FCN1: variants seen among roughly 807,000 people sequenced by gnomAD.
FCN1 encodes the protein ficolin-1.
FCN1 carries 42 observed loss-of-function variants against 35.6 expected under a neutral mutation model. That is an observed-to-expected ratio of 1.18 (90% CI 0.92 to 1.53). The LOEUF (loss-of-function observed/expected upper bound fraction) is 1.53, where lower values mean the gene tolerates loss of function less well. Ranked by LOEUF, FCN1 falls within the 40% of genes most tolerant of loss-of-function variation. FCN1 has a pLI of 0.00. For synonymous variants in FCN1, 179 were observed against 169.8 expected, an observed-to-expected ratio of 1.05 and a Z score of -0.42; for missense variants, 439 against 428.4, an observed-to-expected ratio of 1.02 and a Z score of -0.22.
Position 134,911,153 on chromosome 9 carries a change from G to T in FCN1, c.713C>A (p.Ala238Asp). 1 of 1,614,082 alleles carries T rather than the reference G, an allele frequency of 6.2e-7. No homozygotes were observed. The change falls in exon 8 of 9, where the codon GCC (alanine) becomes GAC (aspartate). Residue 238 changes from alanine (A) to aspartate (D), a missense_variant. Physicochemically the swap from Ala to Asp is moderately radical, Grantham distance 126. Coordinates refer to ENST00000371806, the MANE Select transcript of FCN1 (RefSeq NM_002003.5). Reference sequence around the variant, plus strand: ...CTCACCCGCACTGCCCCCGACAAAGGCTCCCAGTACCAGCTTGTACTTCTC... The same window carrying T: ...CTCACCCGCACTGCCCCCGACAAAGTCTCCCAGTACCAGCTTGTACTTCTC... Reference protein sequence around the residue: ...EAEKYKLVLGAFVGGSAGNSL... With the variant: ...EAEKYKLVLGDFVGGSAGNSL...
At chr9:134,915,353 C>G (rs576861745) in intron 2 of FCN1, among the ~76,000 whole-genome samples, 69 of 152,246 alleles carry the variant, frequency 4.5e-4, no homozygotes, top group African/African-American at 1.6e-3. Flanking sequence ...CAAGAGGCAG[C>G]CCCCAGCCCG....
chr9:134,906,708 T>C lies in FCN1; in HGVS notation c.*3090A>G, dbSNP rs922872527. The stretch of plus-strand genomic sequence containing the variant: ...TATATTGGATTTGTGAGATTCTTCA[T>C]AATAGGCCAAATTATTTAAACATTA... On this transcript the variant is annotated 3_prime_UTR_variant, in exon 9 of 9. Transcript: ENST00000371806. 1.3e-5 allele frequency: 2 copies of C among 152,206 alleles called. No individual in the cohort carries two copies. Among genetic ancestry groups the C allele is most frequent in the Non-Finnish European group, 2.9e-5 (2 of 68,038 alleles). The allele number at this position is 152,206 out of a possible 1,614,324, so 9.4% of individuals were successfully genotyped here. A position where few individuals can be genotyped will look rare whatever the true frequency, so the allele number is the denominator to read the frequency against.
chr9:134,910,770 C>T (rs1460434255), intron 8 of FCN1, among the ~76,000 whole-genome samples: 3 of 152,168 alleles, frequency 2.0e-5, no homozygotes, highest in Non-Finnish European at 4.4e-5. Flanking sequence ...ATCGTGTAGC[C>T]AGAGACTCCT....
chr9:134,910,203 G>C (rs1831005917), intron 8 of FCN1, among the ~76,000 whole-genome samples, 158 bp from the exon 9 acceptor site: 1 of 152,128 alleles, frequency 6.6e-6, no homozygotes, highest in Non-Finnish European at 1.5e-5. Flanking sequence ...TTGGAGGAAG[G>C]GGAAGCAGGA....
chr9:134,914,374 G>A lies in FCN1; in HGVS notation c.307+11C>T, dbSNP rs200830357. ...TGCAGAGACAACTGCCTGGGCCCAC[G>A]GGTGGCTCACCTTTCTCTCCACGCA... On this transcript the variant is annotated intron_variant, in intron 4 of 8. Coordinates refer to ENST00000371806, the MANE Select transcript of FCN1 (RefSeq NM_002003.5). 312 of 1,613,530 alleles carry A rather than the reference G, an allele frequency of 1.9e-4. No individual in the cohort carries two copies. The highest frequency in any genetic ancestry group is 1.5e-3 in the African/African-American group (111 of 75,038).
In FCN1 at chr9:134,903,795, T is replaced by C. The variant is rs963777761; in HGVS notation, c.*6003A>G. On this transcript the variant is annotated 3_prime_UTR_variant, in exon 9 of 9. Transcript: ENST00000371806. Reference sequence around the variant, plus strand: ...GTGTGTTGAAGAAAATGGAAGATGGTGAAAAAAATAGGTGAAAAAGTGGAG... The same window carrying C: ...GTGTGTTGAAGAAAATGGAAGATGGCGAAAAAAATAGGTGAAAAAGTGGAG... Among the ~76,000 whole-genome samples, 2 of 152,070 alleles carry C rather than the reference T, an allele frequency of 1.3e-5. No individual in the cohort carries two copies. Among genetic ancestry groups the C allele is most frequent in the East Asian group, 3.9e-4 (2 of 5,194 alleles).
Position 134,917,850 on chromosome 9 carries a change from T to C in FCN1, c.22A>G (p.Met8Val). The C allele has an allele frequency of 1.2e-6, 2 of 1,613,658 alleles. No individual in the cohort carries two copies. The highest frequency in any genetic ancestry group is 1.7e-6 in the Non-Finnish European group (2 of 1,179,648). ...AGCAGGACAGCGAGCCCCCGGGCCA[T>C]GGTGGCTCCACTCAGCTCCATGCTC... is the stretch of plus-strand genomic sequence containing the variant. MELSGAT[M>V]ARGLAVLLVL... The change falls in exon 1 of 9, where the codon ATG becomes GTG. Residue 8 changes from methionine to valine, a missense_variant. Physicochemically the swap from Met to Val is conservative, Grantham distance 21. Coordinates refer to ENST00000371806, the MANE Select transcript of FCN1 (RefSeq NM_002003.5).
Position 134,905,684 on chromosome 9 carries a change from T to C in FCN1, c.*4114A>G, listed in dbSNP as rs1040031541. On this transcript the variant is annotated 3_prime_UTR_variant, in exon 9 of 9. Coordinates refer to ENST00000371806, the MANE Select transcript of FCN1 (RefSeq NM_002003.5). ...TATTTTTAGTAGAGACGGGGTTTCA[T>C]CATGTTAGCCAGGATGGTCTTGATC... Among the ~76,000 whole-genome samples, 150 of 151,396 alleles carry C rather than the reference T, an allele frequency of 9.9e-4. 2 individuals are homozygous for C. Among genetic ancestry groups the C allele is most frequent in the South Asian group, 8.4e-4 (4 of 4,784 alleles).
rs1831020081 is a variant in FCN1, at chr9:134,911,286, A to G, written c.599-19T>C. 1 of 1,612,904 alleles carries G rather than the reference A, an allele frequency of 6.2e-7. No homozygotes were observed. The highest frequency in any genetic ancestry group is 8.5e-7 in the Non-Finnish European group (1 of 1,179,364). ...CTGCTTCCTGTTGGAAAAAGATTTT[A>G]AGGCCCCAGCCTTTAAGATCTTTCT... On this transcript the variant is annotated intron_variant, in intron 7 of 8. Coordinates refer to ENST00000371806, the MANE Select transcript of FCN1 (RefSeq NM_002003.5).
chr9:134,912,650 C>T (rs755105422), intron 6 of FCN1, 35 bp from the exon 7 acceptor site: 2 of 1,613,778 alleles, frequency 1.2e-6, no homozygotes, highest in African/African-American at 1.3e-5. Flanking sequence ...TTAGGCGGGG[C>T]AGGCCGAGGT....
Position 134,911,146 on chromosome 9 carries a change from G to A in FCN1, c.720C>T (p.Val240=), listed in dbSNP as rs1831017943. ...EKYKLVLGAF[V]GGSAGNSLTG... ...GCAGACACTCACCCGCACTGCCCCC[G>A]ACAAAGGCTCCCAGTACCAGCTTGT... The change falls in exon 8 of 9, where the codon GTC becomes GTT. Residue 240 remains valine, a synonymous_variant. Transcript: ENST00000371806. 1.9e-6 allele frequency: 3 copies of A among 1,614,018 alleles called. No individual in the cohort carries two copies. The highest frequency in any genetic ancestry group is 2.5e-6 in the Non-Finnish European group (3 of 1,179,978).
intron 1 of FCN1, 92 bp from the exon 2 acceptor site, chr9:134,916,553 C>T (rs1831095058): frequency 2.4e-6 from 3 of 1,276,210 alleles, no homozygotes; most frequent in East Asian, 2.3e-5. Flanking sequence ...GGTCTGTCCT[C>T]ACCCCTCAGG....
intron 8 of FCN1, among the ~76,000 whole-genome samples, chr9:134,910,894 G>A (rs1358815236): frequency 6.6e-6 from 1 of 152,252 alleles, no homozygotes; most frequent in African/African-American, 2.4e-5. Flanking sequence ...AGTGATGCTG[G>A]TGGGTCGTCT....
chr9:134,914,518 C>A, intron 3 of FCN1, 98 bp from the exon 4 acceptor site: 1 of 1,242,356 alleles, frequency 8.0e-7, no homozygotes, highest in Non-Finnish European at 1.2e-6. Flanking sequence ...ACTGCATCTC[C>A]CCAGCCCTGC....
At position 134,909,869 on chromosome 9, in the gene FCN1, T is replaced by A; in HGVS notation, c.910A>T (p.Ile304Phe). Residue 304 changes from isoleucine to phenylalanine, a missense_variant, in exon 9 of 9, where the codon ATC (isoleucine) becomes TTC (phenylalanine). By Grantham distance (21) the Ile-to-Phe change is conservative. Coordinates refer to ENST00000371806, the MANE Select transcript of FCN1 (RefSeq NM_002003.5). ...TACCCCTTCGCCGCACTCCAGTTGA[T>A]ACCATTGGCATAGCTCTCATGGGGT... The part of the protein sequence containing the change: ...MGPHESYANG[I>F]NWSAAKGYKY... The A allele has an allele frequency of 6.2e-7, 1 of 1,614,138 alleles. No individual in the cohort carries two copies. Among genetic ancestry groups the A allele is most frequent in the Non-Finnish European group, 8.5e-7 (1 of 1,180,034 alleles).
chr9:134,913,321 C>T (rs1246331475), intron 5 of FCN1, among the ~76,000 whole-genome samples, 178 bp from the exon 6 acceptor site: 1 of 152,186 alleles, frequency 6.6e-6, no homozygotes, highest in Non-Finnish European at 1.5e-5. Flanking sequence ...TGCCCACACC[C>T]AGTCTGCCGA....
At chr9:134,910,706 C>T (rs1348526019) in intron 8 of FCN1, among the ~76,000 whole-genome samples, 27 of 152,158 alleles carry the variant, frequency 1.8e-4, no homozygotes, top group Non-Finnish European at 5.9e-5. Context: ...CTTTCACGAA[C>T]GATGTGCACT....
At position 134,912,575 on chromosome 9, in the gene FCN1, C is replaced by A. The variant is rs144829000; in HGVS notation, c.509G>T (p.Arg170Leu). ...GCCCTGCTTGTATGCGGCCCAGTCC[C>A]GATAGAAGTCCACAGAGCCATCCAT... ...RRMDGSVDFY[R>L]DWAAYKQGFG... The change falls in exon 7 of 9, where the codon CGG becomes CTG. Residue 170 changes from arginine (R) to leucine (L), a missense_variant. By Grantham distance (102) the Arg-to-Leu change is moderately radical. Coordinates refer to ENST00000371806, the MANE Select transcript of FCN1 (RefSeq NM_002003.5). 7.4e-6 allele frequency: 12 copies of A among 1,613,982 alleles called. No individual in the cohort carries two copies. The highest frequency in any genetic ancestry group is 1.7e-5 in the Admixed American group (1 of 60,004).
At chr9:134,911,342 A>ATT (rs34307683) in intron 7 of FCN1, 75 bp from the exon 8 acceptor site, 5,012 of 922,100 alleles carry the variant, frequency 5.4e-3, no homozygotes, top group East Asian at 7.0e-3. Context: ...GGGATGGGTA[A>ATT]TTTTTTTTTT....
Sources: allele counts gnomAD v4.1 joint callset (sites outside exome capture counted in the v4.1 genomes callset), GRCh38; gene constraint gnomAD v4.1.1; transcripts MANE v1.5; gene names NCBI Gene and HGNC (gene_info 2026-07-23, HGNC 2026-07-21).